The following NTM variants were observed in gnomAD, a reference collection of about 807,000 sequenced individuals.
NTM encodes the protein IgLON family member 2.
Under a neutral mutation model 42.1 loss-of-function variants are expected in NTM, and 13 were observed. That is an observed-to-expected ratio of 0.31 (90% CI 0.20 to 0.49). The LOEUF is 0.49. NTM is among the 20% of genes least tolerant of loss of function. NTM has a pLI of 0.99. For missense variants in NTM, 373 were observed against 452.8 expected (o/e 0.82, Z 1.60); for synonymous variants, 187 against 179.2 (o/e 1.04, Z -0.35).
At chr11:131,763,108 A>T (rs2084492701) in intron 1 of NTM, among the ~76,000 whole-genome samples, 1 of 152,166 alleles carries the variant, frequency 6.6e-6, no homozygotes, top group Non-Finnish European at 1.5e-5. Context: ...TATGGTCCTC[A>T]GGTAGGGGAT....
intron 7 of NTM, among the ~76,000 whole-genome samples, chr11:132,317,399 C>A (rs747040930): frequency 6.6e-6 from 1 of 152,104 alleles, no homozygotes; most frequent in Non-Finnish European, 1.5e-5. Flanking sequence ...CCAACTGCAC[C>A]AGAATATGTA....
intron 3 of NTM, among the ~76,000 whole-genome samples, chr11:132,168,340 T>C (rs137978236): frequency 4.2e-4 from 64 of 152,344 alleles, no homozygotes; most frequent in African/African-American, 1.5e-3. Context: ...AGGACAATCC[T>C]GGGTTGCTGG....
At chr11:131,973,765 C>T (rs1444476060) in intron 2 of NTM, among the ~76,000 whole-genome samples, 1 of 152,104 alleles carries the variant, frequency 6.6e-6, no homozygotes, top group African/African-American at 2.4e-5. Context: ...TGCAGTGAGC[C>T]GAGATTGCAC....
chr11:131,755,967 C>A (rs575205651), intron 1 of NTM, among the ~76,000 whole-genome samples: 5 of 152,350 alleles, frequency 3.3e-5, no homozygotes, highest in Non-Finnish European at 7.4e-5. Context: ...TGCTTCTCTG[C>A]ATTGGCCAGG....
Position 131,370,764 on chromosome 11 carries a change from C to G in NTM, c.-43C>G, listed in dbSNP as rs114396172. On this transcript the variant is annotated 5_prime_UTR_variant, in exon 1 of 9. Transcript: ENST00000683400. ...ATCAGGAAAGAAAGAAAGAAAAAAACCGAACCTGACAAAAAAGAAGAAAAA... is the reference window on the plus strand; with the variant it reads ...ATCAGGAAAGAAAGAAAGAAAAAAAGCGAACCTGACAAAAAAGAAGAAAAA... 6.3e-4 allele frequency: 977 copies of G among 1,544,162 alleles called. 8 individuals carry two copies. The African/African-American group carries it at 0.011, about 17-fold the overall frequency.
intron 3 of NTM, among the ~76,000 whole-genome samples, chr11:132,168,442 G>C (rs2075621001): frequency 6.6e-6 from 1 of 151,978 alleles, no homozygotes; most frequent in African/African-American, 2.4e-5. Flanking sequence ...AATAAAAATG[G>C]CCAGCAAGCC....
chr11:132,290,261 T>A (rs1193710159), intron 4 of NTM, among the ~76,000 whole-genome samples: 1 of 152,048 alleles, frequency 6.6e-6, no homozygotes, highest in Non-Finnish European at 1.5e-5. Flanking sequence ...TAGTCTGATT[T>A]TTTTTTTTTT....
At chr11:132,150,132 G>C (rs2071522943) in intron 3 of NTM, among the ~76,000 whole-genome samples, 1 of 152,158 alleles carries the variant, frequency 6.6e-6, no homozygotes, top group Non-Finnish European at 1.5e-5. Context: ...GGCGTGAAGG[G>C]GACCCAGTAT....
At chr11:131,666,437 T>G (rs2069060692) in intron 1 of NTM, among the ~76,000 whole-genome samples, 1 of 152,162 alleles carries the variant, frequency 6.6e-6, no homozygotes, top group African/African-American at 2.4e-5. Flanking sequence ...TCATTGACCA[T>G]AATATACCAC....
At chr11:131,913,878 A>G (rs2055773473) in intron 2 of NTM, among the ~76,000 whole-genome samples, 1 of 152,180 alleles carries the variant, frequency 6.6e-6, no homozygotes, top group Non-Finnish European at 1.5e-5. Flanking sequence ...GGCAGGGATT[A>G]GATGAGCTAG....
chr11:132,187,789 G>A (rs1053202478), intron 3 of NTM, among the ~76,000 whole-genome samples: 2 of 152,170 alleles, frequency 1.3e-5, no homozygotes, highest in Non-Finnish European at 2.9e-5. Flanking sequence ...TGGCGCCTCT[G>A]TACTTTCTGA....
chr11:131,374,864 C>T lies in NTM; in HGVS notation c.82+3976C>T, dbSNP rs116558547. ...ACATGCTGGAGAGATTTGTAATGCT[C>T]TTGCCATTCAATCATAGTAGAGGCA... is the stretch of plus-strand genomic sequence containing the variant. On this transcript the variant is annotated intron_variant, in intron 1 of 8. Transcript: ENST00000683400. Among the ~76,000 whole-genome samples the T allele has an allele frequency of 3.2e-3, 486 of 152,236 alleles. 4 individuals are homozygous for T. Among genetic ancestry groups the T allele is most frequent in the African/African-American group, 0.011 (457 of 41,540 alleles).
At chr11:131,860,145 T>G (rs2046482578) in intron 1 of NTM, among the ~76,000 whole-genome samples, 1 of 152,156 alleles carries the variant, frequency 6.6e-6, no homozygotes, top group African/African-American at 2.4e-5. Context: ...GTGTGAGGTT[T>G]AGAATTGAGG....
chr11:131,383,245 C>A (rs998904272), intron 1 of NTM, among the ~76,000 whole-genome samples: 1 of 152,198 alleles, frequency 6.6e-6, no homozygotes, highest in Non-Finnish European at 1.5e-5. Context: ...ATTTATATTT[C>A]ATCCACTTCA....
chr11:131,568,599 C>T (rs1354098091), intron 1 of NTM, among the ~76,000 whole-genome samples: 5 of 152,224 alleles, frequency 3.3e-5, no homozygotes, highest in Non-Finnish European at 5.9e-5. Flanking sequence ...TGCACCCACA[C>T]TTCTCATGGG....
chr11:131,954,628 A>C (rs1207451860), intron 2 of NTM, among the ~76,000 whole-genome samples: 2 of 118,976 alleles, frequency 1.7e-5, no homozygotes, highest in Non-Finnish European at 3.7e-5. Context: ...TTTATAGAAT[A>C]CTTTTTTTTT....
chr11:132,000,245 A>G (rs1194926525), intron 2 of NTM, among the ~76,000 whole-genome samples: 1 of 152,136 alleles, frequency 6.6e-6, no homozygotes, highest in Non-Finnish European at 1.5e-5. Context: ...CCCTGTTCCA[A>G]TAGCCTCCTC....
intron 2 of NTM, among the ~76,000 whole-genome samples, chr11:132,062,280 T>G (rs1168558713): frequency 6.6e-6 from 1 of 152,110 alleles, no homozygotes; most frequent in Non-Finnish European, 1.5e-5. Flanking sequence ...TTTTCAAGCT[T>G]GGGAAAGTGA....
intron 2 of NTM, among the ~76,000 whole-genome samples, chr11:132,063,030 T>A (rs1237972988): frequency 6.6e-6 from 1 of 152,128 alleles, no homozygotes; most frequent in Non-Finnish European, 1.5e-5. Flanking sequence ...ACAACAGACA[T>A]CTCTTTTTCA....
Sources: allele counts gnomAD v4.1 joint callset (sites outside exome capture counted in the v4.1 genomes callset), GRCh38; gene constraint gnomAD v4.1.1; transcripts MANE v1.5; gene names NCBI Gene and HGNC (gene_info 2026-07-23, HGNC 2026-07-21).